Variants in DAB1 observed in about 807,000 individuals in gnomAD.
The protein encoded by DAB1 is disabled homolog 1.
A neutral mutation model predicts 64.6 loss-of-function variants in DAB1; 15 were observed. That is an observed-to-expected ratio of 0.23 (90% confidence interval 0.16 to 0.36). The LOEUF (loss-of-function observed/expected upper bound fraction) is 0.36. DAB1 is among the 10% of genes least tolerant of loss of function. The probability of loss-of-function intolerance (pLI) is 1.00; values close to 1 mark genes in which losing one functional copy is unlikely to be tolerated. For synonymous variants in DAB1, 235 were observed against 251.9 expected, an observed-to-expected ratio of 0.93 and a Z score of 0.64; for missense variants, 596 against 706.7, an observed-to-expected ratio of 0.84 and a Z score of 1.78.
intron 3 of DAB1, among the ~76,000 whole-genome samples, chr1:58,405,703 T>C (rs1393791269): frequency 6.6e-6 from 1 of 152,240 alleles, no homozygotes; most frequent in African/African-American, 2.4e-5. Flanking sequence ...TTATGTCTCC[T>C]GCTCATTGCT....
At chr1:57,630,548 CTG>C (rs1010738613) in intron 7 of DAB1, among the ~76,000 whole-genome samples, 5 of 152,150 alleles carry the variant, frequency 3.3e-5, no homozygotes, top group African/African-American at 1.2e-4. Flanking sequence ...AAAAGTTACT[CTG>C]TTTTTAGAAT....
intron 1 of DAB1, among the ~76,000 whole-genome samples, chr1:57,391,366 C>T (rs1490011232): frequency 1.3e-5 from 2 of 152,146 alleles, no homozygotes; most frequent in Non-Finnish European, 2.9e-5. Flanking sequence ...ATGAGCATAG[C>T]AACTCACAGT....
chr1:58,072,596 C>T (rs573170768), intron 5 of DAB1, among the ~76,000 whole-genome samples: 58 of 150,996 alleles, frequency 3.8e-4, no homozygotes, highest in East Asian at 7.8e-4. Context: ...TGTCTGATTC[C>T]GAAGAACAAA....
intron 1 of DAB1, among the ~76,000 whole-genome samples, chr1:57,375,850 TTGAC>T (rs1216650317): frequency 3.9e-5 from 6 of 152,260 alleles, no homozygotes; most frequent in African/African-American, 1.4e-4. Context: ...AAAGAGCTGT[TTGAC>T]TGTTTATGCA....
At chr1:57,398,838 C>T (rs1683018832) in intron 1 of DAB1, among the ~76,000 whole-genome samples, 1 of 152,198 alleles carries the variant, frequency 6.6e-6, no homozygotes, top group Admixed American at 6.5e-5. Flanking sequence ...GGGTTTTGTC[C>T]CATTCCTCAC....
intron 2 of DAB1, among the ~76,000 whole-genome samples, chr1:57,263,816 C>G (rs1670380674): frequency 6.6e-6 from 1 of 152,112 alleles, no homozygotes; most frequent in South Asian, 2.1e-4. Context: ...GACAGTTTTT[C>G]AAAAGATGAA....
At chr1:58,139,604 T>C (rs949614566) in intron 5 of DAB1, among the ~76,000 whole-genome samples, 1 of 152,060 alleles carries the variant, frequency 6.6e-6, no homozygotes, top group African/African-American at 2.4e-5. Flanking sequence ...CAAGAGAGGA[T>C]TATGGGAACT....
chr1:57,394,197 C>A (rs189434989), intron 1 of DAB1, among the ~76,000 whole-genome samples: 170 of 152,326 alleles, frequency 1.1e-3, no homozygotes, highest in Non-Finnish European at 1.8e-3. Flanking sequence ...TCAAAGCAAT[C>A]TTTTCCTTAA....
intron 7 of DAB1, among the ~76,000 whole-genome samples, chr1:57,487,703 T>C (rs934246999): frequency 1.3e-5 from 2 of 152,146 alleles, no homozygotes; most frequent in African/African-American, 4.8e-5. Context: ...ATAGCCTAGG[T>C]GTGTTTTAGG....
rs1363204840 is a variant in DAB1, at chr1:57,735,187, G to A, written n.552-85522C>T. Among the ~76,000 whole-genome samples, 6 of 152,146 alleles carry A rather than the reference G, an allele frequency of 3.9e-5. No individual in the cohort carries two copies. The East Asian group carries it at 1.2e-3, about 29-fold the overall frequency. On this transcript the variant is annotated intron_variant and non_coding_transcript_variant, in intron 6 of 20. Transcript: ENST00000485760. ...GACTAAAATGAAGGAGAAGAAGTGA[G>A]ACTAGGTGAAGAATTGAAAAGACGA...
chr1:57,145,684 C>A (rs1166535011), intron 2 of DAB1, among the ~76,000 whole-genome samples: 2 of 152,142 alleles, frequency 1.3e-5, no homozygotes, highest in African/African-American at 2.4e-5. Context: ...AAATAACCAC[C>A]CCAACAGGGT....
At chr1:57,321,870 AC>A (rs879739030) in intron 1 of DAB1, among the ~76,000 whole-genome samples, 37,054 of 151,838 alleles carry the variant, frequency 0.24, 5,710 homozygotes, top group Non-Finnish European at 0.35. Flanking sequence ...CAAATGCATG[AC>A]TCTTTCCACA....
At chr1:57,790,051 A>G (rs1650522619) in intron 6 of DAB1, among the ~76,000 whole-genome samples, 1 of 152,198 alleles carries the variant, frequency 6.6e-6, no homozygotes. Context: ...CCATAGAAGC[A>G]GCAACCAGCC....
intron 9 of DAB1, among the ~76,000 whole-genome samples, chr1:57,032,202 A>G (rs1308636119): frequency 6.6e-6 from 1 of 152,120 alleles, no homozygotes; most frequent in East Asian, 1.9e-4. Context: ...ACACCTTCTC[A>G]CAGACCCATT....
Position 57,727,733 on chromosome 1 carries a change from C to CTTCCTTCCTTCCTTCCTTCT in DAB1, n.552-78069_552-78068insAGAAGGAAGGAAGGAAGGAA, listed in dbSNP as rs1327744050. Among the ~76,000 whole-genome samples the CTTCCTTCCTTCCTTCCTTCT allele has an allele frequency of 2.7e-5, 4 of 149,522 alleles. No individual in the cohort carries two copies. The East Asian group carries it at 7.8e-4, about 29-fold the overall frequency. ...TTCTGCTTCCTTCCTTCTCTCCTTC[C>CTTCCTTCCTTCCTTCCTTCT]TTCCTTCCTTCCTTCCTTCCTTCCT... On this transcript the variant is annotated intron_variant and non_coding_transcript_variant, in intron 6 of 20. Coordinates refer to the DAB1 transcript ENST00000485760.
rs116272569 is a variant in DAB1 at position 58,244,198 on chromosome 1, T to G, written n.310-93610A>C. Among the ~76,000 whole-genome samples the G allele has an allele frequency of 8.8e-3, 1,340 of 152,248 alleles. 15 individuals carry two copies. The highest frequency in any genetic ancestry group is 0.03 in the African/African-American group (1,260 of 41,546). On this transcript the variant is annotated intron_variant and non_coding_transcript_variant, in intron 4 of 20. Coordinates refer to the DAB1 transcript ENST00000485760. Reference sequence around the variant, plus strand: ...AATTGATAGAATAACATATGAAAAGTGCCCATAAGTATAAGGTAGACAGTT... The same window carrying G: ...AATTGATAGAATAACATATGAAAAGGGCCCATAAGTATAAGGTAGACAGTT...
At chr1:58,087,934 A>T (rs1397429603) in intron 5 of DAB1, among the ~76,000 whole-genome samples, 3 of 152,246 alleles carry the variant, frequency 2.0e-5, no homozygotes, top group Non-Finnish European at 4.4e-5. Flanking sequence ...AATTAAGTAT[A>T]GTTCCTGACT....
At chr1:57,102,845 A>G (rs941425174) in intron 4 of DAB1, among the ~76,000 whole-genome samples, 1 of 152,232 alleles carries the variant, frequency 6.6e-6, no homozygotes, top group Non-Finnish European at 1.5e-5. Context: ...AGGCCAGAAC[A>G]TACTTGGGGC....
At chr1:57,451,933 T>C (rs533580334) in intron 7 of DAB1, among the ~76,000 whole-genome samples, 2 of 152,174 alleles carry the variant, frequency 1.3e-5, no homozygotes, top group East Asian at 1.9e-4. Flanking sequence ...GGTTCCTTTA[T>C]AACCTTATTA....
Sources: allele counts gnomAD v4.1 joint callset (sites outside exome capture counted in the v4.1 genomes callset), GRCh38; gene constraint gnomAD v4.1.1; transcripts MANE v1.5; gene names NCBI Gene and HGNC (gene_info 2026-07-23, HGNC 2026-07-21).